Variants in CLMN observed in about 807,000 individuals in gnomAD.
The protein encoded by CLMN is calmin.
Under a neutral mutation model 92.7 loss-of-function variants are expected in CLMN, and 57 were observed. The observed-to-expected ratio is 0.61, with a 90% CI of 0.50 to 0.77. The LOEUF (loss-of-function observed/expected upper bound fraction) is 0.77, where lower values mean the gene tolerates loss of function less well. Among genes scored for constraint, CLMN ranks in the 30% least tolerant of loss-of-function variants. The pLI, the probability that CLMN is intolerant of heterozygous loss-of-function variation, is 0.00. For missense variants in CLMN, 1,158 were observed against 1,237.5 expected, an observed-to-expected ratio of 0.94 and a Z score of 0.96; for synonymous variants, 466 against 470.6, an observed-to-expected ratio of 0.99 and a Z score of 0.13.
rs954439252 is a variant in CLMN at position 95,182,358 on chromosome 14, A to T, written c.*9206T>A. ...AGACCAGACTCCCCCAAAATAAAAC[A>T]ATGATCACCACCCACTACAATATGG... On this transcript the variant is annotated 3_prime_UTR_variant, in exon 13 of 13. Transcript: ENST00000298912. 5 of 152,226 alleles carry T rather than the reference A, an allele frequency of 3.3e-5. No individual in the cohort carries two copies. The highest frequency in any genetic ancestry group is 2.6e-4 in the Admixed American group (4 of 15,282). The allele number at this position is 152,226 out of a possible 1,614,324, so 9.4% of individuals were successfully genotyped here.
At chr14:95,274,714 C>G (rs1445646702) in intron 1 of CLMN, among the ~76,000 whole-genome samples, 1 of 152,236 alleles carries the variant, frequency 6.6e-6, no homozygotes, top group Non-Finnish European at 1.5e-5. Context: ...GGCGCGGTGG[C>G]TCACGCCTGT....
At chr14:95,311,237 A>G (rs1403184102) in intron 1 of CLMN, among the ~76,000 whole-genome samples, 2 of 152,162 alleles carry the variant, frequency 1.3e-5, no homozygotes, top group East Asian at 1.9e-4. Context: ...CCCAGTTCTC[A>G]GCTGGAAGGG....
At chr14:95,279,360 T>C (rs1279024972) in intron 1 of CLMN, among the ~76,000 whole-genome samples, 1 of 152,214 alleles carries the variant, frequency 6.6e-6, no homozygotes, top group African/African-American at 2.4e-5. Flanking sequence ...CTTACCTACT[T>C]TGGAGACATT....
chr14:95,203,535 A>AG lies in CLMN; in HGVS notation c.1813dup (p.Leu605ProfsTer3). The AG allele has an allele frequency of 6.2e-7, 1 of 1,614,058 alleles. No individual in the cohort carries two copies. The highest frequency in any genetic ancestry group is 1.7e-5 in the Admixed American group (1 of 60,018). The stretch of plus-strand genomic sequence containing the variant: ...AGCAGATTTAATACTCCTTTTACCT[A>AG]GTTTTTCAGCATGATTCTCAAAAGC... On this transcript the variant is annotated frameshift_variant, in exon 9 of 13. Coordinates refer to ENST00000298912, the MANE Select transcript of CLMN (RefSeq NM_024734.4). LOFTEE classifies it high-confidence loss of function.
At chr14:95,231,533 C>T (rs1283874067) in intron 1 of CLMN, among the ~76,000 whole-genome samples, 1 of 152,196 alleles carries the variant, frequency 6.6e-6, no homozygotes, top group Non-Finnish European at 1.5e-5. Context: ...AAACATCCCC[C>T]TCAGCACCCT....
chr14:95,304,241 C>T (rs572961270), intron 1 of CLMN, among the ~76,000 whole-genome samples: 1 of 151,886 alleles, frequency 6.6e-6, no homozygotes, highest in Non-Finnish European at 1.5e-5. Context: ...GAGACTGAGG[C>T]AGGAGGTTTG....
rs766520294 is a variant in CLMN at position 95,319,795 on chromosome 14, AGCGCGGGCGGGAGAGCCCGGGCCAGCGCG to A, written c.-32_-4del. On this transcript the variant is annotated 5_prime_UTR_variant, in exon 1 of 13. Coordinates refer to ENST00000298912, the MANE Select transcript of CLMN (RefSeq NM_024734.4). ...CAGTCCCACTCGTGTGCAGCCATGAAGCGCGGGCGGGAGAGCCCGGGCCAGCGCGGCGCGGGCGGCGGGCGCGGAGAGCC... is the reference window on the plus strand; with the variant it reads ...CAGTCCCACTCGTGTGCAGCCATGAAGCGCGGGCGGCGGGCGCGGAGAGCC... 8.5e-6 allele frequency: 13 copies of A among 1,530,148 alleles called. No individual in the cohort carries two copies. The highest frequency in any genetic ancestry group is 2.4e-5 in the South Asian group (2 of 84,768). The allele number at this position is 1,530,148 out of a possible 1,614,324, so 94.8% of individuals were successfully genotyped here. A position where few individuals can be genotyped will look rare whatever the true frequency, so the allele number is the denominator to read the frequency against.
intron 1 of CLMN, among the ~76,000 whole-genome samples, chr14:95,234,773 C>T (rs1030806519): frequency 1.3e-5 from 2 of 152,226 alleles, no homozygotes; most frequent in African/African-American, 2.4e-5. Flanking sequence ...AAGAACAGAT[C>T]ACTTGAAAAT....
rs5810715 is a variant in CLMN at position 95,204,467 on chromosome 14, C to CA, written c.886-5dup. ...TATCTGAATCGAAAATATCTTCCTG[C>CA]AAAAAAAAACAAAAACAAACAAACA... On this transcript the variant is annotated splice_region_variant and splice_polypyrimidine_tract_variant and intron_variant, in intron 8 of 12. Transcript: ENST00000298912. 0.21 allele frequency: 285,363 copies of CA among 1,375,270 alleles called. 25,925 individuals carry two copies. The highest frequency in any genetic ancestry group is 0.48 in the African/African-American group (32,064 of 66,714). 85.2% of individuals were successfully genotyped at this position (1,375,270 alleles called of 1,614,324 possible). A position where few individuals can be genotyped will look rare whatever the true frequency, so the allele number is the denominator to read the frequency against.
chr14:95,243,918 C>A (rs1898358308), intron 1 of CLMN, among the ~76,000 whole-genome samples: 1 of 152,034 alleles, frequency 6.6e-6, no homozygotes, highest in Non-Finnish European at 1.5e-5. Flanking sequence ...GGTGATTGCA[C>A]CACAGGGGTG....
At chr14:95,309,586 C>A (rs977171950) in intron 1 of CLMN, among the ~76,000 whole-genome samples, 7 of 152,202 alleles carry the variant, frequency 4.6e-5, no homozygotes, top group Non-Finnish European at 1.5e-5. Flanking sequence ...TTGGCTCAAG[C>A]CGGACTCTCC....
intron 12 of CLMN, chr14:95,192,851 T>C (rs1896594293): frequency 6.5e-6 from 1 of 154,778 alleles, no homozygotes; most frequent in Non-Finnish European, 1.4e-5. Context: ...TGTAGACAAC[T>C]GAAAACACGA....
intron 2 of CLMN, among the ~76,000 whole-genome samples, chr14:95,225,481 G>A (rs970010044): frequency 2.0e-5 from 3 of 152,310 alleles, no homozygotes; most frequent in Non-Finnish European, 4.4e-5. Flanking sequence ...CCACCTACCC[G>A]GCCCATTCCC....
Position 95,196,663 on chromosome 14 carries a change from G to A in CLMN, c.2543C>T (p.Ala848Val). ...CGTTACATTTTCTTCTAGGGGGTTTGCTATGTTTTCCAGGTTTGGGGATTC... is the reference window on the plus strand; with the variant it reads ...CGTTACATTTTCTTCTAGGGGGTTTACTATGTTTTCCAGGTTTGGGGATTC... ...SQESPNLENI[A>V]NPLEENVTKE... The change falls in exon 10 of 13, where the codon GCA (alanine) becomes GTA (valine). Residue 848 changes from alanine to valine, a missense_variant. Physicochemically the swap from Ala to Val is moderately conservative, Grantham distance 64. Transcript: ENST00000298912. 1 of 1,613,254 alleles carries A rather than the reference G, an allele frequency of 6.2e-7. No individual in the cohort carries two copies. Among genetic ancestry groups the A allele is most frequent in the Non-Finnish European group, 8.5e-7 (1 of 1,179,802 alleles).
chr14:95,271,255 T>A (rs887161161), intron 1 of CLMN, among the ~76,000 whole-genome samples: 2 of 152,392 alleles, frequency 1.3e-5, no homozygotes, highest in African/African-American at 4.8e-5. Context: ...GTCTGTGGGT[T>A]ATCATTTTAC....
At chr14:95,210,939 A>G (rs1254789744) in intron 6 of CLMN, 60 bp from the exon 7 acceptor site, 2 of 1,473,458 alleles carry the variant, frequency 1.4e-6, no homozygotes, top group Non-Finnish European at 1.8e-6. Context: ...TCAAAGGTGC[A>G]AGGTCAGCAT....
chr14:95,310,013 C>T (rs946610108), intron 1 of CLMN, among the ~76,000 whole-genome samples: 1 of 152,202 alleles, frequency 6.6e-6, no homozygotes, highest in African/African-American at 2.4e-5. Context: ...CAGGTCTTCC[C>T]TTTTCTGGCT....
intron 1 of CLMN, 90 bp downstream of exon 1, chr14:95,319,621 G>C: frequency 9.6e-7 from 1 of 1,041,310 alleles, no homozygotes; most frequent in Non-Finnish European, 1.4e-6. Context: ...CGGCGAGCGG[G>C]GGCGGCGCGG....
chr14:95,311,985 A>G (rs1324437301), intron 1 of CLMN, among the ~76,000 whole-genome samples: 1 of 151,936 alleles, frequency 6.6e-6, no homozygotes, highest in African/African-American at 2.4e-5. Context: ...CCGGGTTTCT[A>G]TGGCCAAGTG....
Sources: allele counts gnomAD v4.1 joint callset (sites outside exome capture counted in the v4.1 genomes callset), GRCh38; gene constraint gnomAD v4.1.1; transcripts MANE v1.5; gene names NCBI Gene and HGNC (gene_info 2026-07-23, HGNC 2026-07-21).